The following IRS4 variants were observed in gnomAD, a reference collection of about 807,000 sequenced individuals.
The protein encoded by IRS4 is insulin receptor substrate 4.
In IRS4, 15 loss-of-function variants were observed where a neutral mutation model predicts 48.6. The observed-to-expected ratio is 0.31, with a 90% CI of 0.21 to 0.48. IRS4 has a LOEUF of 0.48. IRS4 is among the 20% of genes least tolerant of loss of function. IRS4 has a pLI of 0.99. For synonymous variants in IRS4, 459 were observed against 413.2 expected, an observed-to-expected ratio of 1.11 and a Z score of -1.34; for missense variants, 987 against 1,023.4, an observed-to-expected ratio of 0.96 and a Z score of 0.49.
chrX:108,732,306 T>C (rs1042400161), intron 1 of IRS4, among the ~76,000 whole-genome samples: 4 of 112,516 alleles, frequency 3.6e-5, no homozygotes, highest in African/African-American at 1.3e-4. Context: ...AGTATCCTTA[T>C]GCTTTTTATG....
rs2068908702 is a variant in IRS4 at position 108,732,598 on chromosome X, CT to C, written c.3746del (p.Gln1249ArgfsTer44). ...VRMDFARRDN[Q>X]FDSPKRE ...ACCGACCTCTTTTGGGAGAGTCGAA[CT>C]GATTATCACGTCTGGCAAAATCCAT... On this transcript the variant is annotated frameshift_variant, in exon 1 of 2. Transcript: ENST00000372129. LOFTEE classifies it high-confidence loss of function. 8.3e-7 allele frequency: 1 copy of C among 1,209,754 alleles called. No homozygotes were observed. Among genetic ancestry groups the C allele is most frequent in the South Asian group, 1.8e-5 (1 of 56,814 alleles).
chrX:108,723,940 T>A (rs750061373), intron 1 of IRS4: 8 of 112,645 alleles, frequency 7.1e-5, no homozygotes, highest in African/African-American at 2.6e-4. Context: ...CCAGTACCAG[T>A]ATTACAGTGT....
Position 108,735,662 on chromosome X carries a change from G to A in IRS4, c.683C>T (p.Pro228Leu), listed in dbSNP as rs1163747615. 6 of 1,187,997 alleles carry A rather than the reference G, an allele frequency of 5.1e-6. No individual in the cohort carries two copies. The highest frequency in any genetic ancestry group is 6.8e-6 in the Non-Finnish European group (6 of 885,622). ...AALAAAAAAEPPFYKDVWQVI... is the reference protein window; with the variant it reads ...AALAAAAAAELPFYKDVWQVI... ...CTGCCACACATCTTTATAGAAGGGT[G>A]GCTCCGCCGCCGCTGCCGCCGCCAG... is the stretch of plus-strand genomic sequence containing the variant. Residue 228 changes from proline to leucine, a missense_variant, in exon 1 of 2, where the codon CCA (proline) becomes CTA (leucine). By Grantham distance (98) the Pro-to-Leu change is moderately conservative. This residue lies in a region of IRS4 where 173 missense variants were observed against 208.9 expected (regional missense o/e 0.83). Transcript: ENST00000372129.
At chrX:108,729,970 T>C (rs2068891571) in intron 1 of IRS4, among the ~76,000 whole-genome samples, 1 of 112,171 alleles carries the variant, frequency 8.9e-6, no homozygotes, top group Non-Finnish European at 1.9e-5. Context: ...AATTCATGTA[T>C]AGTACTTACT....
Position 108,732,993 on chromosome X carries a change from G to A in IRS4, c.3352C>T (p.Pro1118Ser), listed in dbSNP as rs1426297227. ...LERDLSPSSA[P>S]AVASAAEPTL... is the part of the protein sequence containing the mutation. Reference sequence around the variant, plus strand: ...GGCTCTGCAGCCGAAGCGACAGCCGGGGCTGAGGATGGGGAAAGGTCTCTC... The same window carrying A: ...GGCTCTGCAGCCGAAGCGACAGCCGAGGCTGAGGATGGGGAAAGGTCTCTC... Residue 1118 changes from proline to serine, a missense_variant, in exon 1 of 2, where the codon CCG becomes TCG. By Grantham distance (74) the Pro-to-Ser change is moderately conservative. Coordinates refer to ENST00000372129, the MANE Select transcript of IRS4 (RefSeq NM_001379150.1). 1 of 1,206,287 alleles carries A rather than the reference G, an allele frequency of 8.3e-7. No individual in the cohort carries two copies. Among genetic ancestry groups the A allele is most frequent in the Admixed American group, 2.2e-5 (1 of 46,002 alleles).
Position 108,735,903 on chromosome X carries a change from T to C in IRS4, c.442A>G (p.Ile148Val), listed in dbSNP as rs2068948357. Residue 148 changes from isoleucine to valine, a missense_variant, in exon 1 of 2, where the codon ATC becomes GTC. By Grantham distance (29) the Ile-to-Val change is conservative. Around this residue, in one of 4 missense-constraint regions of IRS4, gnomAD observed 173 missense variants for 208.9 expected, o/e 0.83. Transcript: ENST00000372129. The stretch of plus-strand genomic sequence containing the variant: ...ACGGAAAAGCACTGGTATAGGGTGA[T>C]CACGCGCCGCGGTGGAATGAGCGGG... ...IPPLIPPRRVITLYQCFSVSQ... is the reference protein window; with the variant it reads ...IPPLIPPRRVVTLYQCFSVSQ... 2.5e-6 allele frequency: 3 copies of C among 1,209,614 alleles called. No individual in the cohort carries two copies. The highest frequency in any genetic ancestry group is 3.4e-6 in the Non-Finnish European group (3 of 894,627).
At position 108,721,515 on chromosome X, in the gene IRS4, C is replaced by A. The variant is rs1299037657; in HGVS notation, c.*1004G>T. The A allele has an allele frequency of 1.8e-5, 2 of 110,588 alleles. No homozygotes were observed. Among genetic ancestry groups the A allele is most frequent in the Non-Finnish European group, 3.8e-5 (2 of 52,941 alleles). The allele number at this position is 110,588 out of a possible 1,213,427, so 9.1% of individuals were successfully genotyped here. A position where few individuals can be genotyped will look rare whatever the true frequency, so the allele number is the denominator to read the frequency against. On this transcript the variant is annotated 3_prime_UTR_variant, in exon 2 of 2. Coordinates refer to ENST00000372129, the MANE Select transcript of IRS4 (RefSeq NM_001379150.1). ...GTCAGAATATTGATTGATAAGTAAA[C>A]ACTAATTTCTTGAATATGGGAAATT...
rs773958072 is a variant in IRS4 at position 108,735,014 on chromosome X, C to G, written c.1331G>C (p.Arg444Pro). The G allele has an allele frequency of 2.5e-5, 30 of 1,211,753 alleles. No individual in the cohort carries two copies. In the South Asian group the frequency reaches 4.7e-4, roughly 19 times the overall value. The change falls in exon 1 of 2, where the codon CGG becomes CCG. Residue 444 changes from arginine to proline, a missense_variant. Transcript: ENST00000372129. Reference protein sequence around the residue: ...RRLAPSPARPRHPAEAPNNGA... With the variant: ...RRLAPSPARPPHPAEAPNNGA... ...ATTGTTCGGGGCTTCTGCAGGGTGC[C>G]GGGGACGTGCTGGGCTGGGTGCTAA...
chrX:108,723,901 C>T (rs1368646658), intron 1 of IRS4: 2 of 112,556 alleles, frequency 1.8e-5, no homozygotes, highest in African/African-American at 6.5e-5. Context: ...ATATTAGTAA[C>T]TGTTAATTCG....
At chrX:108,730,298 A>ACACCAC (rs1177982399) in intron 1 of IRS4, among the ~76,000 whole-genome samples, 28 of 105,782 alleles carry the variant, frequency 2.6e-4, no homozygotes, top group East Asian at 9.0e-4. Flanking sequence ...ACCACCATCA[A>ACACCAC]CACCACCACC....
At chrX:108,725,163 C>A (rs1401742285) in intron 1 of IRS4, among the ~76,000 whole-genome samples, 2 of 111,113 alleles carry the variant, frequency 1.8e-5, no homozygotes, top group African/African-American at 6.6e-5. Context: ...GTATTTCAGA[C>A]CTCTTTATAT....
rs758663818 is a variant in IRS4, at chrX:108,736,371, G to T, written c.-27C>A. ...GTGATGCACGATGGTTTTAAGGTGA[G>T]CGAGGAGGAGGGGGAATTCAGGAAA... On this transcript the variant is annotated 5_prime_UTR_variant, in exon 1 of 2. Coordinates refer to ENST00000372129, the MANE Select transcript of IRS4 (RefSeq NM_001379150.1). 1.1e-5 allele frequency: 13 copies of T among 1,210,270 alleles called. No homozygotes were observed. The highest frequency in any genetic ancestry group is 1.5e-5 in the Non-Finnish European group (13 of 895,179).
chrX:108,722,223 A>G lies in IRS4; in HGVS notation c.*296T>C, dbSNP rs752598569. On this transcript the variant is annotated 3_prime_UTR_variant, in exon 2 of 2. Transcript: ENST00000372129. ...AGAGTTATGAGATGCTCACTTGTATAGTATCTGTTTCCTTTCAAAGGGACA... is the reference window on the plus strand; with the variant it reads ...AGAGTTATGAGATGCTCACTTGTATGGTATCTGTTTCCTTTCAAAGGGACA... 1 of 133,906 alleles carries G rather than the reference A, an allele frequency of 7.5e-6. No homozygotes were observed. The highest frequency in any genetic ancestry group is 2.2e-4 in the South Asian group (1 of 4,472). 11.0% of individuals were successfully genotyped at this position (133,906 alleles called of 1,213,427 possible).
intron 1 of IRS4, 183 bp downstream of exon 1, chrX:108,732,396 A>G (rs1483693379): frequency 1.8e-5 from 13 of 729,672 alleles, no homozygotes; most frequent in Non-Finnish European, 2.5e-5. Flanking sequence ...GAAATTGATT[A>G]GATAAAAACA....
In IRS4 at chrX:108,721,033, T is replaced by C. The variant is rs1254894078; in HGVS notation, c.*1486A>G. 1 of 113,096 alleles carries C rather than the reference T, an allele frequency of 8.8e-6. No individual in the cohort carries two copies. The highest frequency in any genetic ancestry group is 1.9e-5 in the Non-Finnish European group (1 of 53,444). 9.3% of individuals were successfully genotyped at this position (113,096 alleles called of 1,213,427 possible). ...GATAAATATTACACTACTTCAAAGT[T>C]GCACATTAAATGCGAAGCAAATTTC... On this transcript the variant is annotated 3_prime_UTR_variant, in exon 2 of 2. Transcript: ENST00000372129.
chrX:108,720,718 C>T lies in IRS4; in HGVS notation c.*1801G>A, dbSNP rs971479128. On this transcript the variant is annotated 3_prime_UTR_variant, in exon 2 of 2. Coordinates refer to ENST00000372129, the MANE Select transcript of IRS4 (RefSeq NM_001379150.1). ...GTTATAATGAACAAAAGCCACACTG[C>T]GTTATTTGATTAGGTTGGAAAAAGA... The T allele has an allele frequency of 9.0e-6, 1 of 111,024 alleles. No individual in the cohort carries two copies. Among genetic ancestry groups the T allele is most frequent in the Admixed American group, 9.6e-5 (1 of 10,448 alleles). The allele number at this position is 111,024 out of a possible 1,213,427, so 9.1% of individuals were successfully genotyped here.
intron 1 of IRS4, among the ~76,000 whole-genome samples, chrX:108,729,842 A>G (rs1364182626): frequency 8.9e-6 from 1 of 112,248 alleles, no homozygotes; most frequent in Non-Finnish European, 1.9e-5. Context: ...AGTATTTTAA[A>G]TGCAAGTAAA....
chrX:108,724,270 A>G (rs2068865762), intron 1 of IRS4: 1 of 111,310 alleles, frequency 9.0e-6, no homozygotes, highest in Non-Finnish European at 1.9e-5. Context: ...CTAAAATTTG[A>G]TTCATATTGC....
Position 108,735,784 on chromosome X carries a change from C to T in IRS4, c.561G>A (p.Gln187=), listed in dbSNP as rs772659310. ...GGCTGAGCAGCAAGTACCAGCTTTC[C>T]TGCTCCGACTCGTTCTCGGCCACCA... The part of the protein sequence containing the change: ...FAMVAENESE[Q]ESWYLLLSRL... The change falls in exon 1 of 2, where the codon CAG becomes CAA. Residue 187 remains glutamine, a synonymous_variant. Transcript: ENST00000372129. 5.0e-6 allele frequency: 6 copies of T among 1,209,090 alleles called. No individual in the cohort carries two copies. Among genetic ancestry groups the T allele is most frequent in the Non-Finnish European group, 4.5e-6 (4 of 894,538 alleles).
Sources: allele counts gnomAD v4.1 joint callset (sites outside exome capture counted in the v4.1 genomes callset), GRCh38; gene constraint gnomAD v4.1.1; regional missense constraint gnomAD v4.1.1; transcripts MANE v1.5; gene names NCBI Gene and HGNC (gene_info 2026-07-23, HGNC 2026-07-21).